Variants in SLC22A15 observed in about 807,000 individuals in gnomAD.
SLC22A15 encodes flipt 1.
SLC22A15 carries 45 observed loss-of-function variants against 62.7 expected under a neutral mutation model. The observed-to-expected ratio is 0.72, with a 90% CI of 0.56 to 0.92. The LOEUF (loss-of-function observed/expected upper bound fraction) is 0.92. SLC22A15 is among the 40% of genes least tolerant of loss of function. The pLI, the probability that SLC22A15 is intolerant of heterozygous loss-of-function variation, is 0.00. For missense variants in SLC22A15, 622 were observed against 665.6 expected, an observed-to-expected ratio of 0.93 and a Z score of 0.72; for synonymous variants, 264 against 267.0, an observed-to-expected ratio of 0.99 and a Z score of 0.11.
At chr1:116,042,105 A>G (rs995735574) in intron 8 of SLC22A15, among the ~76,000 whole-genome samples, 1 of 151,982 alleles carries the variant, frequency 6.6e-6, no homozygotes, top group African/African-American at 2.4e-5. Context: ...TTAACAAAAA[A>G]AAAAAACATT....
chr1:116,065,611 C>A (rs1658479922), intron 10 of SLC22A15, among the ~76,000 whole-genome samples: 1 of 152,010 alleles, frequency 6.6e-6, no homozygotes, highest in East Asian at 1.9e-4. Context: ...CCTCCTCATC[C>A]CTGTCTTCTG....
intron 2 of SLC22A15, among the ~76,000 whole-genome samples, chr1:116,007,559 G>A: frequency 6.6e-6 from 1 of 152,194 alleles, no homozygotes; most frequent in South Asian, 2.1e-4. Context: ...TTGTGGGTAA[G>A]AAGATAAGTT....
At chr1:116,037,280 T>C in intron 7 of SLC22A15, 23 bp from the exon 8 acceptor site, 8 of 1,590,016 alleles carry the variant, frequency 5.0e-6, no homozygotes, top group Non-Finnish European at 6.9e-6. Context: ...AAGAGAACTG[T>C]GTAATTTCTT....
At position 116,035,174 on chromosome 1, in the gene SLC22A15, C is replaced by A; in HGVS notation, c.945-13C>A. On this transcript the variant is annotated splice_polypyrimidine_tract_variant and intron_variant, in intron 6 of 11. Transcript: ENST00000369503. ...TGTCTTTTACCTCCTGGTCCTTTGACTCCCAATTGCAGGTTTGTGTGCAGC... is the reference window on the plus strand; with the variant it reads ...TGTCTTTTACCTCCTGGTCCTTTGAATCCCAATTGCAGGTTTGTGTGCAGC... 1 of 1,607,454 alleles carries A rather than the reference C, an allele frequency of 6.2e-7. No individual in the cohort carries two copies.
chr1:116,055,673 T>G (rs925969391), intron 8 of SLC22A15, among the ~76,000 whole-genome samples: 1 of 151,888 alleles, frequency 6.6e-6, no homozygotes, highest in Non-Finnish European at 1.5e-5. Context: ...ACTGGCAAAC[T>G]GAATCCAGCA....
intron 2 of SLC22A15, among the ~76,000 whole-genome samples, chr1:116,014,950 G>A (rs1427760656): frequency 1.3e-5 from 2 of 152,054 alleles, no homozygotes; most frequent in Non-Finnish European, 2.9e-5. Context: ...TATAGATTAC[G>A]CCAGTACATT....
chr1:115,993,206 C>G (rs1324021079), intron 2 of SLC22A15, among the ~76,000 whole-genome samples: 1 of 152,128 alleles, frequency 6.6e-6, no homozygotes, highest in East Asian at 1.9e-4. Context: ...CTTTCCTTTG[C>G]CTGCTCCTCT....
At chr1:116,014,502 C>G (rs897537647) in intron 2 of SLC22A15, among the ~76,000 whole-genome samples, 3 of 152,164 alleles carry the variant, frequency 2.0e-5, no homozygotes, top group African/African-American at 7.2e-5. Context: ...GCCTGAGAGA[C>G]TGAAAATATT....
At chr1:116,063,517 G>A (rs17515267) in intron 9 of SLC22A15, among the ~76,000 whole-genome samples, 3,999 of 152,284 alleles carry the variant, frequency 0.026, 78 homozygotes, top group Non-Finnish European at 0.041. Flanking sequence ...CGCTCAGCCA[G>A]CTCTTTCTCA....
At chr1:115,979,830 C>T (rs186037656) in intron 1 of SLC22A15, among the ~76,000 whole-genome samples, 4 of 152,056 alleles carry the variant, frequency 2.6e-5, no homozygotes, top group East Asian at 1.9e-4. Flanking sequence ...AATCATGAAT[C>T]GTACATTATA....
Position 116,037,352 on chromosome 1 carries a change from G to A in SLC22A15, c.1135G>A (p.Ala379Thr). 2 of 1,613,344 alleles carry A rather than the reference G, an allele frequency of 1.2e-6. No homozygotes were observed. The highest frequency in any genetic ancestry group is 1.7e-6 in the Non-Finnish European group (2 of 1,179,460). Residue 379 changes from alanine (A) to threonine (T), a missense_variant, in exon 8 of 12, where the codon GCT (alanine) becomes ACT (threonine). Coordinates refer to ENST00000369503, the MANE Select transcript of SLC22A15 (RefSeq NM_018420.3). ...AGCATTTCTGTGCCTAGGAGGACTG[G>A]CTTGTCTTATTGTAATGTTTCTTCC... ...LSAFLCLGGL[A>T]CLIVMFLPEK...
intron 10 of SLC22A15, 144 bp downstream of exon 10, chr1:116,064,652 C>T (rs910318465): frequency 3.7e-5 from 24 of 645,924 alleles, no homozygotes; most frequent in Admixed American, 5.2e-5. Flanking sequence ...GATAGTATTC[C>T]GTCAGGGCAG....
At chr1:116,001,232 T>G (rs1655714378) in intron 2 of SLC22A15, among the ~76,000 whole-genome samples, 1 of 152,172 alleles carries the variant, frequency 6.6e-6, no homozygotes, top group Non-Finnish European at 1.5e-5. Context: ...AATTTTTTTT[T>G]CTTTTCTCTT....
chr1:115,980,967 G>A (rs1654581765), intron 1 of SLC22A15, among the ~76,000 whole-genome samples: 1 of 152,138 alleles, frequency 6.6e-6, no homozygotes, highest in Non-Finnish European at 1.5e-5. Flanking sequence ...AATTATGGCT[G>A]TGAATTGTGG....
At chr1:116,034,057 C>A (rs192372897) in intron 6 of SLC22A15, among the ~76,000 whole-genome samples, 1 of 152,246 alleles carries the variant, frequency 6.6e-6, no homozygotes, top group African/African-American at 2.4e-5. Context: ...TGACTGATCT[C>A]ATTATAGCCA....
At position 115,976,692 on chromosome 1, in the gene SLC22A15, T is replaced by G. The variant is rs143618639; in HGVS notation, c.65T>G (p.Phe22Cys). 1,270 of 1,585,208 alleles carry G rather than the reference T, an allele frequency of 8.0e-4. 20 individuals are homozygous for G. The African/African-American group carries it at 0.016, about 20-fold the overall frequency. Residue 22 changes from phenylalanine (F) to cysteine (C), a missense_variant, in exon 1 of 12, where the codon TTC becomes TGC. Coordinates refer to ENST00000369503, the MANE Select transcript of SLC22A15 (RefSeq NM_018420.3). The part of the protein sequence containing the change: ...EMGIYQMYLC[F>C]LLAVLLQLYV... ...GGCATCTACCAGATGTACTTGTGCT[T>G]CCTGCTGGCCGTGCTGCTGCAGGTA...
chr1:116,003,154 A>G (rs1655818547), intron 2 of SLC22A15, among the ~76,000 whole-genome samples: 1 of 151,962 alleles, frequency 6.6e-6, no homozygotes, highest in African/African-American at 2.4e-5. Context: ...TCCAGGAGTT[A>G]TGGCCTAGAA....
intron 2 of SLC22A15, among the ~76,000 whole-genome samples, chr1:116,007,179 G>T (rs1656024575): frequency 6.6e-6 from 1 of 152,150 alleles, no homozygotes. Context: ...TGTGCAAATA[G>T]TGACCCTCAG....
At chr1:115,989,183 G>T (rs1229015594) in intron 1 of SLC22A15, among the ~76,000 whole-genome samples, 1 of 152,018 alleles carries the variant, frequency 6.6e-6, no homozygotes, top group Non-Finnish European at 1.5e-5. Context: ...ACATTGTGAA[G>T]AGTGGGAGGA....
Sources: allele counts gnomAD v4.1 joint callset (sites outside exome capture counted in the v4.1 genomes callset), GRCh38; gene constraint gnomAD v4.1.1; transcripts MANE v1.5; gene names NCBI Gene and HGNC (gene_info 2026-07-23, HGNC 2026-07-21).